The following RASSF4 variants were observed in gnomAD, a reference collection of about 807,000 sequenced individuals.
RASSF4 encodes Ras association domain family member 4.
RASSF4 carries 38 observed loss-of-function variants against 41.1 expected under a neutral mutation model. The observed-to-expected ratio is 0.92, with a 90% CI of 0.71 to 1.21. RASSF4 has a LOEUF of 1.21. Among genes scored for constraint, RASSF4 ranks in the 50% most tolerant of loss-of-function variants. The pLI is 0.00. For missense variants in RASSF4, 414 were observed against 419.4 expected, an observed-to-expected ratio of 0.99 and a Z score of 0.11; for synonymous variants, 179 against 163.4, an observed-to-expected ratio of 1.10 and a Z score of -0.73.
At chr10:44,964,974 AC>A (rs1424454776) in intron 1 of RASSF4, among the ~76,000 whole-genome samples, 1 of 152,236 alleles carries the variant, frequency 6.6e-6, no homozygotes, top group Non-Finnish European at 1.5e-5. Context: ...CTCAGGAAAA[AC>A]AGGTCTTCTT....
rs763944336 is a variant in RASSF4 at position 44,977,591 on chromosome 10, G to A, written c.139-4930G>A. Reference sequence around the variant, plus strand: ...GGCTTCACAGAGCCTCCCTCTGGGGGCCCCCATGGGCTTGCTGCTGTCCAT... The same window carrying A: ...GGCTTCACAGAGCCTCCCTCTGGGGACCCCCATGGGCTTGCTGCTGTCCAT... On this transcript the variant is annotated intron_variant, in intron 3 of 10. Coordinates refer to ENST00000340258, the MANE Select transcript of RASSF4 (RefSeq NM_032023.4). 2.5e-6 allele frequency: 4 copies of A among 1,613,196 alleles called. No individual in the cohort carries two copies. The Admixed American group carries it at 6.7e-5, about 27-fold the overall frequency.
rs759798571 is a variant in RASSF4 at position 44,970,283 on chromosome 10, G to A, written c.62+19G>A. The A allele has an allele frequency of 3.1e-6, 5 of 1,610,026 alleles. No homozygotes were observed. The highest frequency in any genetic ancestry group is 4.3e-6 in the Non-Finnish European group (5 of 1,176,278). ...TTCAGAAGTAAGCCTTGGTGTGCAG[G>A]TTGGGCGGGGGAGTCTTCACATTTG... is the stretch of plus-strand genomic sequence containing the variant. On this transcript the variant is annotated intron_variant, in intron 2 of 10. Coordinates refer to ENST00000340258, the MANE Select transcript of RASSF4 (RefSeq NM_032023.4).
chr10:44,988,667 A>G (rs1200291386), intron 6 of RASSF4, among the ~76,000 whole-genome samples: 1 of 152,256 alleles, frequency 6.6e-6, no homozygotes, highest in African/African-American at 2.4e-5. Flanking sequence ...TGTGTTCTAC[A>G]GACGCAGACT....
chr10:44,979,394 G>A (rs574698186), intron 3 of RASSF4, among the ~76,000 whole-genome samples: 1 of 152,344 alleles, frequency 6.6e-6, no homozygotes, highest in South Asian at 2.1e-4. Context: ...AATGCACTAA[G>A]CACAGCAAAC....
rs1374394575 is a variant in RASSF4, at chr10:44,989,294, C to G, written c.552C>G (p.Ala184=). ...TACAGACCTCCGTGTTTACTCCAGC[C>G]TATGGATCCGTGACCAATGTGAGGG... The part of the protein sequence containing the change: ...YNHKTSVFTP[A]YGSVTNVRVN... Residue 184 remains alanine (A), a synonymous_variant, in exon 7 of 11, where the codon GCC becomes GCG. Coordinates refer to ENST00000340258, the MANE Select transcript of RASSF4 (RefSeq NM_032023.4). The G allele has an allele frequency of 1.2e-6, 2 of 1,613,558 alleles. No individual in the cohort carries two copies.
chr10:44,983,019 TA>T (rs745666895), intron 4 of RASSF4: 14 of 544,988 alleles, frequency 2.6e-5, no homozygotes, highest in Non-Finnish European at 5.1e-5. Flanking sequence ...CACACGAATT[TA>T]GCCTCTTACT....
At chr10:44,966,812 G>A (rs73279396) in intron 1 of RASSF4, among the ~76,000 whole-genome samples, 6,774 of 152,150 alleles carry the variant, frequency 0.045, 512 homozygotes, top group African/African-American at 0.15. Context: ...CCCACACTCT[G>A]ATTTTTTTAG....
At chr10:44,992,332 A>G (rs1842146536) in intron 10 of RASSF4, among the ~76,000 whole-genome samples, 2 of 152,246 alleles carry the variant, frequency 1.3e-5, no homozygotes, top group South Asian at 4.1e-4. Flanking sequence ...CAAGCTTCTG[A>G]GTTCTGCTGG....
intron 2 of RASSF4, chr10:44,971,266 C>T (rs950206141): frequency 2.0e-5 from 7 of 353,380 alleles, no homozygotes; most frequent in African/African-American, 1.5e-4. Context: ...ACTTCAGGGC[C>T]TTACTCACAG....
chr10:44,980,055 C>G (rs1216910906), intron 3 of RASSF4, among the ~76,000 whole-genome samples: 1 of 152,180 alleles, frequency 6.6e-6, no homozygotes, highest in African/African-American at 2.4e-5. Context: ...CTGGAACACG[C>G]CTGCCTGTGC....
chr10:44,971,522 C>T (rs747954018), intron 2 of RASSF4: 67 of 653,500 alleles, frequency 1.0e-4, no homozygotes, highest in South Asian at 4.5e-4. Flanking sequence ...CATCCTGGAC[C>T]AGACGCAGGC....
Position 44,982,676 on chromosome 10 carries a change from T to C in RASSF4, c.281+13T>C. On this transcript the variant is annotated intron_variant, in intron 4 of 10. Transcript: ENST00000340258. ...CTAGCTGCCCTCTGTGAGTACCCGGTGGCTTCTGTGACACCTGCTCAGCCT... is the reference window on the plus strand; with the variant it reads ...CTAGCTGCCCTCTGTGAGTACCCGGCGGCTTCTGTGACACCTGCTCAGCCT... The C allele has an allele frequency of 6.2e-7, 1 of 1,611,318 alleles. No homozygotes were observed. The highest frequency in any genetic ancestry group is 8.5e-7 in the Non-Finnish European group (1 of 1,178,998).
chr10:44,988,976 A>C (rs1842013411), intron 6 of RASSF4, among the ~76,000 whole-genome samples: 1 of 152,188 alleles, frequency 6.6e-6, no homozygotes, highest in South Asian at 2.1e-4. Context: ...AGTGATGGAG[A>C]GACTGATTCC....
chr10:44,980,476 C>T (rs1339648755), intron 3 of RASSF4, among the ~76,000 whole-genome samples: 2 of 152,136 alleles, frequency 1.3e-5, no homozygotes, highest in Non-Finnish European at 2.9e-5. Context: ...ATGCTGGGGG[C>T]ACACACATCA....
intron 3 of RASSF4, among the ~76,000 whole-genome samples, chr10:44,975,315 T>C (rs1841363708): frequency 6.6e-6 from 1 of 151,742 alleles, no homozygotes; most frequent in South Asian, 2.1e-4. Context: ...GCCCCTGGAG[T>C]GACTGGCCAG....
chr10:44,982,350 C>G, intron 3 of RASSF4, 171 bp from the exon 4 acceptor site: 1 of 792,000 alleles, frequency 1.3e-6, no homozygotes, highest in Non-Finnish European at 2.1e-6. Flanking sequence ...CCCACAGGGC[C>G]TGGTCACACG....
intron 1 of RASSF4, among the ~76,000 whole-genome samples, chr10:44,966,772 G>A (rs372199315): frequency 1.3e-5 from 2 of 152,104 alleles, no homozygotes; most frequent in South Asian, 2.1e-4. Flanking sequence ...CCAGCACCAC[G>A]TTGGTTTCAG....
At chr10:44,990,882 C>G in intron 8 of RASSF4, 66 bp from the exon 9 acceptor site, 2 of 1,550,954 alleles carry the variant, frequency 1.3e-6, no homozygotes, top group East Asian at 4.5e-5. Context: ...CTATCAGTTC[C>G]TAATCTGGAA....
In RASSF4 at chr10:44,990,980, C is replaced by T; in HGVS notation, c.718C>T (p.Leu240=). 1.2e-6 allele frequency: 2 copies of T among 1,613,754 alleles called. No homozygotes were observed. Among genetic ancestry groups the T allele is most frequent in the African/African-American group, 2.7e-5 (2 of 75,066 alleles). Residue 240 remains leucine (L), a synonymous_variant, in exon 9 of 11, where the codon CTG becomes TTG. Coordinates refer to ENST00000340258, the MANE Select transcript of RASSF4 (RefSeq NM_032023.4). ...RTKLKDCEYP[L]ISRILHGPCE... ...AAAATTAAAAGACTGCGAGTACCCG[C>T]TGATTTCCAGAATCCTGCATGGGCC...
Sources: allele counts gnomAD v4.1 joint callset (sites outside exome capture counted in the v4.1 genomes callset), GRCh38; gene constraint gnomAD v4.1.1; transcripts MANE v1.5; gene names NCBI Gene and HGNC (gene_info 2026-07-23, HGNC 2026-07-21).